TMEM50B: variants seen among roughly 807,000 people sequenced by gnomAD.
TMEM50B encodes the protein transmembrane protein 50B, also known as HCV p7-trans-regulated protein 3.
In TMEM50B, 14 loss-of-function variants were observed where a neutral mutation model predicts 23.4. That is an observed-to-expected ratio of 0.60 (90% CI 0.39 to 0.93). The LOEUF (loss-of-function observed/expected upper bound fraction) is 0.93, where lower values mean the gene tolerates loss of function less well. Ranked by LOEUF, TMEM50B falls within the 40% of genes least tolerant of loss-of-function variation. The pLI, the probability that TMEM50B is intolerant of heterozygous loss-of-function variation, is 0.00. For synonymous variants in TMEM50B, 64 were observed against 62.3 expected, an observed-to-expected ratio of 1.03 and a Z score of -0.13; for missense variants, 159 against 193.0, an observed-to-expected ratio of 0.82 and a Z score of 1.04.
At chr21:33,464,061 C>T (rs1026277122) in intron 4 of TMEM50B, among the ~76,000 whole-genome samples, 6 of 152,196 alleles carry the variant, frequency 3.9e-5, no homozygotes, top group Non-Finnish European at 8.8e-5. Context: ...GAAACAAGCA[C>T]AGCATAGTGG....
intron 6 of TMEM50B, among the ~76,000 whole-genome samples, chr21:33,455,307 C>A (rs1449585192): frequency 6.6e-6 from 1 of 152,062 alleles, no homozygotes; most frequent in Non-Finnish European, 1.5e-5. Context: ...CCTCCCACCT[C>A]AGCCTCTTGA....
chr21:33,459,956 T>C (rs1489465024), intron 5 of TMEM50B, among the ~76,000 whole-genome samples: 1 of 152,188 alleles, frequency 6.6e-6, no homozygotes, highest in Non-Finnish European at 1.5e-5. Flanking sequence ...TTACACTAAA[T>C]GGGATAAAGA....
At chr21:33,466,273 A>C (rs113190574) in intron 3 of TMEM50B, among the ~76,000 whole-genome samples, 7 of 152,176 alleles carry the variant, frequency 4.6e-5, no homozygotes, top group African/African-American at 1.7e-4. Context: ...AAACAAAAAA[A>C]CCTCCTGATG....
downstream of TMEM50B, among the ~76,000 whole-genome samples, chr21:33,445,860 T>C (rs2084048656): frequency 6.6e-6 from 1 of 152,158 alleles, no homozygotes; most frequent in Admixed American, 6.5e-5. Context: ...AAGCATTTCC[T>C]CAGATTAATT....
intron 8 of TMEM50B, among the ~76,000 whole-genome samples, chr21:33,436,674 A>G (rs1186328514): frequency 6.6e-6 from 1 of 152,094 alleles, no homozygotes; most frequent in Non-Finnish European, 1.5e-5. Context: ...GTGAGCTGAG[A>G]TCACACCACT....
intron 6 of TMEM50B, among the ~76,000 whole-genome samples, chr21:33,454,426 G>A (rs747928648): frequency 5.3e-5 from 8 of 151,950 alleles, no homozygotes; most frequent in Admixed American, 1.3e-4. Flanking sequence ...TCAGCCTTCC[G>A]AGTAGCTGGG....
intron 5 of TMEM50B, among the ~76,000 whole-genome samples, chr21:33,458,516 A>C (rs2084189821): frequency 6.6e-6 from 1 of 152,214 alleles, no homozygotes; most frequent in Non-Finnish European, 1.5e-5. Context: ...TCTGTCTCAA[A>C]AAAACACTTT....
chr21:33,455,713 A>T lies in TMEM50B; in HGVS notation c.431+14T>A, dbSNP rs989585185. The T allele has an allele frequency of 6.2e-7, 1 of 1,609,464 alleles. No homozygotes were observed. The highest frequency in any genetic ancestry group is 1.3e-5 in the African/African-American group (1 of 74,834). ...TAAATGTTACAGGCGTGGTTAAAAAATAAGGCAACTTACCTAAAAAATATA... is the reference window on the plus strand; with the variant it reads ...TAAATGTTACAGGCGTGGTTAAAAATTAAGGCAACTTACCTAAAAAATATA... On this transcript the variant is annotated intron_variant, in intron 6 of 6. Coordinates refer to ENST00000542230, the MANE Select transcript of TMEM50B (RefSeq NM_006134.7).
chr21:33,454,756 G>T (rs2084154022), intron 6 of TMEM50B, among the ~76,000 whole-genome samples: 1 of 152,096 alleles, frequency 6.6e-6, no homozygotes, highest in African/African-American at 2.4e-5. Flanking sequence ...CAGCAGTCTG[G>T]ATTCAAATCC....
intron 1 of TMEM50B, among the ~76,000 whole-genome samples, chr21:33,471,949 G>A (rs1043706918): frequency 3.4e-5 from 5 of 148,792 alleles, no homozygotes; most frequent in African/African-American, 5.0e-5. Context: ...GCAGAATGGC[G>A]AGAACCCGGG....
intron 8 of TMEM50B, among the ~76,000 whole-genome samples, chr21:33,438,988 A>C (rs2123390077): frequency 6.6e-6 from 1 of 152,150 alleles, no homozygotes; most frequent in South Asian, 2.1e-4. Context: ...TTGGTCTCCC[A>C]AAGGGTTGAG....
chr21:33,472,010 C>G (rs1337968718), intron 1 of TMEM50B, among the ~76,000 whole-genome samples: 1 of 135,732 alleles, frequency 7.4e-6, no homozygotes, highest in African/African-American at 2.7e-5. Context: ...CCAGCCTGGG[C>G]AACAGAGCGA....
chr21:33,437,534 T>C (rs2083969346), intron 8 of TMEM50B: 1 of 152,622 alleles, frequency 6.6e-6, no homozygotes, highest in Admixed American at 6.5e-5. Context: ...TGAAGTGTTT[T>C]CTTTATTGTA....
At chr21:33,448,302 C>CT (rs1360703105), downstream of TMEM50B, among the ~76,000 whole-genome samples, 7 of 151,852 alleles carry the variant, frequency 4.6e-5, no homozygotes, top group South Asian at 6.2e-4. Context: ...CACATTATCT[C>CT]TTTTTTTAAA....
At chr21:33,437,280 T>C in intron 8 of TMEM50B, 1 of 316,688 alleles carries the variant, frequency 3.2e-6, no homozygotes, top group Non-Finnish European at 6.1e-6. Context: ...ACTTTTTTCA[T>C]TATTGGTTGG....
rs1046499845 is a variant in TMEM50B at position 33,468,952 on chromosome 21, T to C, written c.-41-26A>G. On this transcript the variant is annotated intron_variant, in intron 1 of 6. Coordinates refer to ENST00000542230, the MANE Select transcript of TMEM50B (RefSeq NM_006134.7). The stretch of plus-strand genomic sequence containing the variant: ...CTACAAACAGAAAGACAAAAACTAA[T>C]CAACCTAAGAAAATGTTTTCTAAAA... The C allele has an allele frequency of 8.9e-6, 11 of 1,234,556 alleles. No homozygotes were observed. The African/African-American group carries it at 1.2e-4, about 14-fold the overall frequency. 76.5% of individuals were successfully genotyped at this position (1,234,556 alleles called of 1,614,324 possible). A position where few individuals can be genotyped will look rare whatever the true frequency, so the allele number is the denominator to read the frequency against.
intron 1 of TMEM50B, among the ~76,000 whole-genome samples, chr21:33,474,582 G>C (rs1359837001): frequency 6.7e-6 from 1 of 148,814 alleles, no homozygotes; most frequent in Non-Finnish European, 1.5e-5. Flanking sequence ...TCAGGAGTTC[G>C]ACACCAGCCT....
chr21:33,452,522 T>G (rs888115496), intron 6 of TMEM50B, among the ~76,000 whole-genome samples: 2 of 152,002 alleles, frequency 1.3e-5, no homozygotes, highest in African/African-American at 2.4e-5. Flanking sequence ...ACAAGTCGAG[T>G]AGAGAAACCT....
chr21:33,434,388 G>C (rs961040944), intron 8 of TMEM50B, among the ~76,000 whole-genome samples: 1 of 152,118 alleles, frequency 6.6e-6, no homozygotes, highest in South Asian at 2.1e-4. Context: ...CGGGCGTGGT[G>C]GTGGGCGCCT....
Sources: allele counts gnomAD v4.1 joint callset (sites outside exome capture counted in the v4.1 genomes callset), GRCh38; gene constraint gnomAD v4.1.1; transcripts MANE v1.5; gene names NCBI Gene and HGNC (gene_info 2026-07-23, HGNC 2026-07-21).